Variants in C12orf42 observed in about 807,000 individuals in gnomAD.
The protein encoded by C12orf42 is uncharacterized protein C12orf42.
C12orf42 carries 25 observed loss-of-function variants against 21.6 expected under a neutral mutation model. That is an observed-to-expected ratio of 1.16 (90% CI 0.84 to 1.62). The LOEUF (loss-of-function observed/expected upper bound fraction) is 1.62, where lower values mean the gene tolerates loss of function less well. C12orf42 is among the 40% of genes most tolerant of loss of function. The probability of loss-of-function intolerance (pLI) is 0.00; values close to 1 mark genes in which losing one functional copy is unlikely to be tolerated. For missense variants in C12orf42, 483 were observed against 459.3 expected, an observed-to-expected ratio of 1.05 and a Z score of -0.47; for synonymous variants, 174 against 175.0, an observed-to-expected ratio of 0.99 and a Z score of 0.05.
chr12:103,300,568 A>G (rs1345707893), downstream of C12orf42, among the ~76,000 whole-genome samples: 2 of 152,228 alleles, frequency 1.3e-5, no homozygotes. Flanking sequence ...CTACTATATC[A>G]AGTACATTTT....
intron 2 of C12orf42, among the ~76,000 whole-genome samples, chr12:103,472,256 G>A (rs540726559): frequency 2.6e-5 from 4 of 151,664 alleles, no homozygotes; most frequent in Non-Finnish European, 5.9e-5. Flanking sequence ...GGGTTTCACC[G>A]TGTTAGCCAG....
chr12:103,547,639 G>T, the C12orf42 span, among the ~76,000 whole-genome samples: 2 of 152,354 alleles, frequency 1.3e-5, no homozygotes, highest in South Asian at 4.1e-4. Context: ...TTCAGGGGCT[G>T]AAAGAACGCA....
chr12:103,160,752 A>G, the C12orf42 span, among the ~76,000 whole-genome samples: 1 of 152,184 alleles, frequency 6.6e-6, no homozygotes, highest in African/African-American at 2.4e-5. Flanking sequence ...TTTGGGGAAA[A>G]TACAGTTCTG....
the C12orf42 span, among the ~76,000 whole-genome samples, chr12:103,068,227 A>G: frequency 5.3e-5 from 8 of 152,138 alleles, no homozygotes; most frequent in Non-Finnish European, 8.8e-5. Context: ...GTGCATATAT[A>G]CACTTGTACT....
the C12orf42 span, among the ~76,000 whole-genome samples, chr12:103,545,687 C>A: frequency 6.6e-6 from 1 of 152,174 alleles, no homozygotes; most frequent in Non-Finnish European, 1.5e-5. Flanking sequence ...CCCAATGATC[C>A]TCCACCGGTC....
intron 2 of C12orf42, among the ~76,000 whole-genome samples, chr12:103,432,173 C>T (rs769054754): frequency 6.6e-6 from 1 of 152,138 alleles, no homozygotes; most frequent in Non-Finnish European, 1.5e-5. Flanking sequence ...GTCAAGTGTT[C>T]CTATAAGGTC....
intron 3 of C12orf42, among the ~76,000 whole-genome samples, chr12:103,369,268 C>T (rs2044949017): frequency 1.3e-5 from 2 of 151,812 alleles, no homozygotes; most frequent in Non-Finnish European, 2.9e-5. Context: ...ACACTATATG[C>T]TAGATATTAT....
At chr12:103,052,646 C>T in the C12orf42 span, among the ~76,000 whole-genome samples, 7 of 151,810 alleles carry the variant, frequency 4.6e-5, no homozygotes, top group African/African-American at 4.8e-5. Context: ...TGCTTTATGA[C>T]GAATAGAAGT....
chr12:103,101,858 G>C, the C12orf42 span, among the ~76,000 whole-genome samples: 2 of 152,294 alleles, frequency 1.3e-5, no homozygotes, highest in East Asian at 3.9e-4. Context: ...CTAAGGTGAG[G>C]CCTGCCTGGC....
At chr12:103,089,123 A>G in the C12orf42 span, among the ~76,000 whole-genome samples, 1 of 151,044 alleles carries the variant, frequency 6.6e-6, no homozygotes, top group Non-Finnish European at 1.5e-5. Flanking sequence ...AAAAAAAAAA[A>G]AGAATCAACT....
the C12orf42 span, among the ~76,000 whole-genome samples, chr12:103,075,190 C>T: frequency 2.6e-5 from 4 of 152,132 alleles, no homozygotes; most frequent in Non-Finnish European, 5.9e-5. Context: ...AGGTTTAATG[C>T]TCCAGAAATG....
chr12:103,396,713 G>A (rs2047568367), intron 3 of C12orf42: 1 of 152,228 alleles, frequency 6.6e-6, no homozygotes, highest in African/African-American at 2.4e-5. Flanking sequence ...GAAAGAAGGT[G>A]CATTGTTAGT....
chr12:103,448,531 A>G (rs1023157501), intron 2 of C12orf42, among the ~76,000 whole-genome samples: 6 of 152,258 alleles, frequency 3.9e-5, no homozygotes, highest in African/African-American at 1.4e-4. Flanking sequence ...AATCTTCACA[A>G]TCCATACATG....
chr12:103,090,591 G>T, the C12orf42 span, among the ~76,000 whole-genome samples: 2 of 152,156 alleles, frequency 1.3e-5, no homozygotes, highest in Non-Finnish European at 2.9e-5. Context: ...TGTAAATAAT[G>T]ATCTCCAATA....
downstream of C12orf42, among the ~76,000 whole-genome samples, chr12:103,300,910 T>C (rs2037604898): frequency 6.6e-6 from 1 of 152,182 alleles, no homozygotes; most frequent in Admixed American, 6.5e-5. Flanking sequence ...TAAAAGCATA[T>C]TTATTATTAA....
At chr12:103,121,300 T>G in the C12orf42 span, among the ~76,000 whole-genome samples, 7 of 152,126 alleles carry the variant, frequency 4.6e-5, no homozygotes, top group Non-Finnish European at 8.8e-5. Flanking sequence ...GACTACAGAT[T>G]GTGATTTACC....
the C12orf42 span, among the ~76,000 whole-genome samples, chr12:103,556,910 G>A: frequency 6.6e-6 from 1 of 151,272 alleles, no homozygotes; most frequent in Admixed American, 6.6e-5. Flanking sequence ...ATCTAAAGAT[G>A]GATGCAGAGA....
At chr12:103,368,857 G>T in intron 4 of C12orf42, 30 bp downstream of exon 4, 1 of 1,194,590 alleles carries the variant, frequency 8.4e-7, no homozygotes, top group Non-Finnish European at 1.2e-6. Flanking sequence ...TGGAAACTCT[G>T]GTCTGTCTTG....
chr12:103,204,862 T>C, the C12orf42 span, among the ~76,000 whole-genome samples: 947 of 124,606 alleles, frequency 7.6e-3, 8 homozygotes, highest in African/African-American at 0.02. Context: ...ATTTGTAATA[T>C]TGACCTATTT....
Sources: gnomAD v4.1 joint callset for allele counts (sites outside exome capture counted in the v4.1 genomes callset) on GRCh38, gnomAD v4.1.1 for gene constraint, MANE v1.5 for transcripts, NCBI Gene and HGNC (gene_info 2026-07-23, HGNC 2026-07-21) for gene names.